Variants in NTRK3 observed in about 807,000 individuals in gnomAD.
NTRK3 encodes neurotrophic receptor tyrosine kinase 3.
A neutral mutation model predicts 91.7 loss-of-function variants in NTRK3; 24 were observed. The ratio of observed to expected loss-of-function variants is 0.26; its 90% CI spans 0.19 to 0.37. NTRK3 has a LOEUF of 0.37. NTRK3 is among the 10% of genes least tolerant of loss of function. The pLI, the probability that NTRK3 is intolerant of heterozygous loss-of-function variation, is 1.00. For missense variants in NTRK3, 880 were observed against 1,068.9 expected, an observed-to-expected ratio of 0.82 and a Z score of 2.46; for synonymous variants, 483 against 404.0, an observed-to-expected ratio of 1.20 and a Z score of -2.34.
chr15:88,116,851 A>C (rs1269954543), intron 13 of NTRK3, among the ~76,000 whole-genome samples: 3 of 152,232 alleles, frequency 2.0e-5, no homozygotes, highest in Non-Finnish European at 4.4e-5. Context: ...AGGATCACTC[A>C]GAGAAATTGC....
intron 3 of NTRK3, among the ~76,000 whole-genome samples, chr15:88,249,519 G>A (rs1245492671): frequency 1.3e-5 from 2 of 152,180 alleles, no homozygotes; most frequent in South Asian, 2.1e-4. Context: ...CAGGGACCCC[G>A]GCTGAGTCCC....
chr15:87,866,406 T>C (rs1342387547), exon 19 of NTRK3: 2 of 172,512 alleles, frequency 1.2e-5, no homozygotes, highest in African/African-American at 4.8e-5. Context: ...CATTAAAAAG[T>C]ATACATTTAC....
chr15:88,159,261 G>A (rs945077790), intron 5 of NTRK3, among the ~76,000 whole-genome samples: 7 of 152,152 alleles, frequency 4.6e-5, no homozygotes, highest in Non-Finnish European at 7.3e-5. Context: ...AGCTGCTCTG[G>A]GCCTTTTCAT....
chr15:88,178,448 C>A (rs1481257684), intron 5 of NTRK3, among the ~76,000 whole-genome samples: 1 of 152,190 alleles, frequency 6.6e-6, no homozygotes, highest in African/African-American at 2.4e-5. Flanking sequence ...GCAAACATAA[C>A]ACAGTTGATA....
At chr15:87,904,230 A>T (rs950927341) in intron 17 of NTRK3, among the ~76,000 whole-genome samples, 4 of 150,376 alleles carry the variant, frequency 2.7e-5, no homozygotes, top group African/African-American at 9.8e-5. Flanking sequence ...AGCTCGCTGC[A>T]ACCTCAGTTT....
rs541411169 is a variant in NTRK3, at chr15:87,969,206, C to T, written c.1586-28453G>A. Among the ~76,000 whole-genome samples the T allele has an allele frequency of 3.9e-5, 6 of 152,248 alleles. No individual in the cohort carries two copies. In the South Asian group the frequency reaches 1.2e-3, roughly 32 times the overall value. ...TGGTGCCCAGGCCCAAACGGAGATG[C>T]TTCCCACTCATATCAGAGCAGGGGC... On this transcript the variant is annotated intron_variant, in intron 14 of 18. Transcript: ENST00000394480.
chr15:87,895,532 A>G lies in NTRK3; in HGVS notation c.2134-15104T>C, dbSNP rs956221462. 2.6e-5 allele frequency among the ~76,000 whole-genome samples: 4 copies of G among 152,306 alleles called. No individual in the cohort carries two copies. The East Asian group carries it at 7.7e-4, about 29-fold the overall frequency. ...AAAAATCAAAATGTTTTACCCCAAA[A>G]TATATTTCCTTGCCATACCTTGAAA... On this transcript the variant is annotated intron_variant, in intron 17 of 18. Coordinates refer to ENST00000394480, the Ensembl canonical transcript of NTRK3.
intron 5 of NTRK3, among the ~76,000 whole-genome samples, chr15:88,176,096 T>C (rs2045964085): frequency 6.6e-6 from 1 of 151,822 alleles, no homozygotes; most frequent in African/African-American, 2.4e-5. Context: ...GTTCCAATAA[T>C]ATAAGTGATA....
At chr15:88,107,883 AAC>A (rs2150944265) in intron 13 of NTRK3, among the ~76,000 whole-genome samples, 1 of 152,160 alleles carries the variant, frequency 6.6e-6, no homozygotes, top group East Asian at 2.0e-4. Flanking sequence ...CCAAGAGACC[AAC>A]AAGCGGGAGA....
intron 9 of NTRK3, 32 bp from the exon 10 acceptor site, chr15:88,135,429 A>G: frequency 2.5e-6 from 4 of 1,608,200 alleles, no homozygotes; most frequent in Non-Finnish European, 3.4e-6. Flanking sequence ...GAAATCCAGG[A>G]CACAGAGTCT....
intron 13 of NTRK3, among the ~76,000 whole-genome samples, chr15:88,064,215 G>C (rs2046453936): frequency 6.6e-6 from 1 of 152,210 alleles, no homozygotes; most frequent in African/African-American, 2.4e-5. Context: ...CCTTTGGCAG[G>C]AGCATGGCTC....
intron 13 of NTRK3, among the ~76,000 whole-genome samples, chr15:88,062,802 G>C (rs2046333129): frequency 1.3e-5 from 2 of 152,240 alleles, no homozygotes; most frequent in African/African-American, 4.8e-5. Context: ...TGTTAGAAGG[G>C]TGAGAACATT....
At chr15:87,936,880 C>G (rs557331329) in intron 15 of NTRK3, among the ~76,000 whole-genome samples, 1 of 152,292 alleles carries the variant, frequency 6.6e-6, no homozygotes, top group African/African-American at 2.4e-5. Context: ...CATTGGCTTC[C>G]CAGTGTTTGT....
intron 13 of NTRK3, among the ~76,000 whole-genome samples, chr15:88,034,345 C>T (rs751794907): frequency 2.0e-5 from 3 of 152,182 alleles, no homozygotes; most frequent in Non-Finnish European, 4.4e-5. Flanking sequence ...TCTTTCTAAC[C>T]CAAAGAAGAA....
chr15:87,902,717 C>T (rs1333643597), intron 17 of NTRK3, among the ~76,000 whole-genome samples: 3 of 152,096 alleles, frequency 2.0e-5, no homozygotes, highest in Admixed American at 6.6e-5. Context: ...TTTTCTGTCA[C>T]AGCTGAAAAA....
intron 5 of NTRK3, among the ~76,000 whole-genome samples, chr15:88,179,892 A>C (rs2046312636): frequency 6.6e-6 from 1 of 152,242 alleles, no homozygotes; most frequent in African/African-American, 2.4e-5. Flanking sequence ...GTGTACAATG[A>C]AGAAAGACGC....
At chr15:88,024,010 T>C (rs933513930) in intron 14 of NTRK3, among the ~76,000 whole-genome samples, 2 of 152,316 alleles carry the variant, frequency 1.3e-5, no homozygotes, top group Admixed American at 6.5e-5. Context: ...CTAAGCGATG[T>C]TTGTTAGCAT....
intron 3 of NTRK3, among the ~76,000 whole-genome samples, chr15:88,213,516 C>T (rs532945527): frequency 7.9e-5 from 12 of 152,312 alleles, no homozygotes; most frequent in African/African-American, 2.9e-4. Context: ...GACAGACAGA[C>T]AGACAAGGCA....
chr15:88,242,316 G>C (rs2052435817), intron 3 of NTRK3, among the ~76,000 whole-genome samples: 1 of 152,110 alleles, frequency 6.6e-6, no homozygotes, highest in Non-Finnish European at 1.5e-5. Context: ...CCCAGCCAGG[G>C]GGCACAGTCT....
Sources: allele counts gnomAD v4.1 joint callset (sites outside exome capture counted in the v4.1 genomes callset), GRCh38; gene constraint gnomAD v4.1.1; transcripts MANE v1.5; gene names NCBI Gene and HGNC (gene_info 2026-07-23, HGNC 2026-07-21).